The following IPO8 variants were observed in gnomAD, a reference collection of about 807,000 sequenced individuals.
IPO8 encodes the protein importin 8.
In IPO8, 65 loss-of-function variants were observed where a neutral mutation model predicts 141.2. That is an observed-to-expected ratio of 0.46 (90% CI 0.38 to 0.57). The LOEUF is 0.57. IPO8 is among the 20% of genes least tolerant of loss of function. The pLI, the probability that IPO8 is intolerant of heterozygous loss-of-function variation, is 0.00. For synonymous variants in IPO8, 411 were observed against 420.3 expected (o/e 0.98, Z 0.27); for missense variants, 980 against 1,246.8 (o/e 0.79, Z 3.22).
At chr12:30,631,621 C>T in intron 24 of IPO8, 1 of 269,758 alleles carries the variant, frequency 3.7e-6, no homozygotes, top group East Asian at 8.0e-5. Context: ...AAGACTTATC[C>T]CAACCCTTAC....
chr12:30,687,871 A>G (rs2053257623), intron 2 of IPO8, among the ~76,000 whole-genome samples: 1 of 152,150 alleles, frequency 6.6e-6, no homozygotes, highest in Non-Finnish European at 1.5e-5. Context: ...TGGAAATACA[A>G]ACAAAAAGAA....
chr12:30,634,398 T>A, intron 22 of IPO8, 112 bp from the exon 23 acceptor site: 1 of 757,730 alleles, frequency 1.3e-6, no homozygotes, highest in Non-Finnish European at 2.1e-6. Flanking sequence ...GAAAAAATCT[T>A]CCACAAAATT....
At chr12:30,681,568 T>C (rs2053188800) in intron 4 of IPO8, 91 bp downstream of exon 4, 1 of 1,180,562 alleles carries the variant, frequency 8.5e-7, no homozygotes, top group Non-Finnish European at 1.2e-6. Context: ...TGATAACCTG[T>C]GCAGAACATC....
chr12:30,656,603 T>C, intron 17 of IPO8, 81 bp downstream of exon 17: 1 of 739,880 alleles, frequency 1.4e-6, no homozygotes, highest in Non-Finnish European at 2.2e-6. Context: ...TCTTGTTAAA[T>C]CTGAAGGGCT....
chr12:30,630,756 A>G lies in IPO8; in HGVS notation c.*104T>C, dbSNP rs1217687491. 10 of 826,162 alleles carry G rather than the reference A, an allele frequency of 1.2e-5. No homozygotes were observed. Among genetic ancestry groups the G allele is most frequent in the Non-Finnish European group, 1.8e-5 (9 of 503,112 alleles). 51.2% of individuals were successfully genotyped at this position (826,162 alleles called of 1,614,324 possible). A position where few individuals can be genotyped will look rare whatever the true frequency, so the allele number is the denominator to read the frequency against. ...AATGCCAGATGGTAACTGGCACAGC[A>G]GGAGGGCCCTAAAAGCAGCCCCTCA... On this transcript the variant is annotated 3_prime_UTR_variant, in exon 25 of 25. Transcript: ENST00000256079.
rs2278558 is a variant in IPO8, at chr12:30,630,809, C to T, written c.*51G>A. On this transcript the variant is annotated 3_prime_UTR_variant, in exon 25 of 25. Coordinates refer to ENST00000256079, the MANE Select transcript of IPO8 (RefSeq NM_006390.4). ...TCATCCCCTTGACCCTCACACTCCT[C>T]TTGTGAAATAAAATGCAGCGATGAC... 378,619 of 1,463,116 alleles carry T rather than the reference C, an allele frequency of 0.26. 50,758 individuals carry two copies. The highest frequency in any genetic ancestry group is 0.42 in the East Asian group (18,489 of 44,112). The allele number at this position is 1,463,116 out of a possible 1,614,324, so 90.6% of individuals were successfully genotyped here. A position where few individuals can be genotyped will look rare whatever the true frequency, so the allele number is the denominator to read the frequency against.
intron 2 of IPO8, among the ~76,000 whole-genome samples, chr12:30,685,806 T>G (rs1312575596): frequency 1.3e-5 from 2 of 150,590 alleles, no homozygotes; most frequent in African/African-American, 4.9e-5. Context: ...GTACCTGTAA[T>G]TCCAGCAAAT....
chr12:30,647,715 C>A (rs2052669327), intron 20 of IPO8, among the ~76,000 whole-genome samples: 1 of 148,406 alleles, frequency 6.7e-6, no homozygotes, highest in Non-Finnish European at 1.5e-5. Flanking sequence ...ACCATCAAGA[C>A]AAATTGGGAG....
chr12:30,670,465 T>G (rs1004701947), intron 9 of IPO8, among the ~76,000 whole-genome samples: 1 of 152,166 alleles, frequency 6.6e-6, no homozygotes, highest in Admixed American at 6.5e-5. Flanking sequence ...ATTCTACCTT[T>G]AGGCAAACGA....
chr12:30,634,023 G>A (rs1314046209), intron 23 of IPO8, 60 bp downstream of exon 23: 2 of 1,462,398 alleles, frequency 1.4e-6, no homozygotes, highest in Non-Finnish European at 9.4e-7. Context: ...AAAACAGGAA[G>A]AAATGAAGAA....
intron 19 of IPO8, 88 bp downstream of exon 19, chr12:30,652,104 G>T: frequency 1.5e-6 from 1 of 683,300 alleles, no homozygotes; most frequent in Non-Finnish European, 2.5e-6. Flanking sequence ...AACTAAATGT[G>T]TAAGAAACAA....
rs547719685 is a variant in IPO8 at position 30,695,469 on chromosome 12, G to C, written c.84+95C>G. ...GTGAGGCGTCAGCCCCAGCCCGGTG[G>C]GGGTGAGGACGAGGGGCGCCGGGGA... On this transcript the variant is annotated intron_variant, in intron 1 of 24. Coordinates refer to ENST00000256079, the MANE Select transcript of IPO8 (RefSeq NM_006390.4). The surrounding 1 kb of genome is among the most constrained non-coding windows in gnomAD (Gnocchi z 4.2). The C allele has an allele frequency of 1.8e-4, 197 of 1,092,916 alleles. No homozygotes were observed. In the East Asian group the frequency reaches 4.7e-3, roughly 26 times the overall value. 67.7% of individuals were successfully genotyped at this position (1,092,916 alleles called of 1,614,324 possible).
At chr12:30,643,597 T>G (rs2052602438) in intron 20 of IPO8, among the ~76,000 whole-genome samples, 1 of 152,240 alleles carries the variant, frequency 6.6e-6, no homozygotes, top group Non-Finnish European at 1.5e-5. Context: ...CCCTTATGAA[T>G]GCCTTGGGGC....
At chr12:30,655,908 G>A (rs766540024) in intron 17 of IPO8, among the ~76,000 whole-genome samples, 2 of 152,118 alleles carry the variant, frequency 1.3e-5, no homozygotes, top group Non-Finnish European at 2.9e-5. Flanking sequence ...ACATGACGTG[G>A]GGCTAGCATC....
intron 19 of IPO8, 113 bp downstream of exon 19, chr12:30,652,079 A>G (rs2052734836): frequency 3.5e-6 from 2 of 572,610 alleles, no homozygotes; most frequent in Non-Finnish European, 6.1e-6. Flanking sequence ...ATATATGTTG[A>G]TGAAGATAAT....
chr12:30,661,362 T>G (rs1414576962), intron 15 of IPO8, 96 bp from the exon 16 acceptor site: 1 of 1,112,534 alleles, frequency 9.0e-7, no homozygotes, highest in African/African-American at 1.6e-5. Flanking sequence ...ACATCTGAAG[T>G]CTGCATTGCT....
rs1042716126 is a variant in IPO8, at chr12:30,655,271, T to C, written c.1948+1413A>G. On this transcript the variant is annotated intron_variant, in intron 17 of 24. Transcript: ENST00000256079. ...TGTGCTCTACCTCTTCATCCTTCCCTCTCTCCCATCCCCAAGCCCTGGCAA... is the reference window on the plus strand; with the variant it reads ...TGTGCTCTACCTCTTCATCCTTCCCCCTCTCCCATCCCCAAGCCCTGGCAA... Among the ~76,000 whole-genome samples, 10 of 152,146 alleles carry C rather than the reference T, an allele frequency of 6.6e-5. 1 individual carries two copies. In the South Asian group the frequency reaches 8.3e-4, roughly 13 times the overall value.
intron 21 of IPO8, 48 bp from the exon 22 acceptor site, chr12:30,637,235 A>C: frequency 7.2e-7 from 1 of 1,396,456 alleles, no homozygotes; most frequent in Non-Finnish European, 1.0e-6. Context: ...AAGTGGAATA[A>C]AGAACAAATT....
intron 3 of IPO8, among the ~76,000 whole-genome samples, chr12:30,683,047 T>C (rs746573332): frequency 3.9e-5 from 6 of 152,220 alleles, no homozygotes; most frequent in Non-Finnish European, 7.4e-5. Flanking sequence ...TTTCATTTTT[T>C]AAAATTTCAT....
Sources: gnomAD v4.1 joint callset for allele counts (sites outside exome capture counted in the v4.1 genomes callset) on GRCh38, gnomAD v4.1.1 for gene constraint, Gnocchi (gnomAD v3.1) non-coding constraint, MANE v1.5 for transcripts, NCBI Gene and HGNC (gene_info 2026-07-23, HGNC 2026-07-21) for gene names.